Variants in HFM1 observed in about 807,000 individuals in gnomAD.
HFM1 encodes the protein helicase for meiosis 1, also known as probable ATP-dependent DNA helicase HFM1.
Under a neutral mutation model 192.1 loss-of-function variants are expected in HFM1, and 169 were observed. That is an observed-to-expected ratio of 0.88 (90% confidence interval 0.78 to 1.00). The LOEUF (loss-of-function observed/expected upper bound fraction) is 1.00. HFM1 is among the 50% of genes least tolerant of loss of function. The probability of loss-of-function intolerance (pLI) is 0.00; values close to 1 mark genes in which losing one functional copy is unlikely to be tolerated. For synonymous variants in HFM1, 525 were observed against 537.8 expected (o/e 0.98, Z 0.33); for missense variants, 1,661 against 1,668.0 (o/e 1.00, Z 0.07).
At chr1:91,392,850 G>A (rs553235485) in intron 4 of HFM1, among the ~76,000 whole-genome samples, 1 of 152,298 alleles carries the variant, frequency 6.6e-6, no homozygotes, top group African/African-American at 2.4e-5. Context: ...TATATGAAAT[G>A]TTTAGAATAG....
At chr1:91,303,925 A>C (rs1649220366) in intron 30 of HFM1, among the ~76,000 whole-genome samples, 1 of 152,160 alleles carries the variant, frequency 6.6e-6, no homozygotes, top group Non-Finnish European at 1.5e-5. Flanking sequence ...GGCTCACTGC[A>C]ACCTCTACCT....
intron 30 of HFM1, among the ~76,000 whole-genome samples, chr1:91,298,892 A>G (rs1648165541): frequency 6.6e-6 from 1 of 152,236 alleles, no homozygotes. Context: ...AATGAGCAAA[A>G]TAACCAGCTA....
chr1:91,369,252 A>G (rs998292065), intron 13 of HFM1, among the ~76,000 whole-genome samples: 1 of 152,202 alleles, frequency 6.6e-6, no homozygotes, highest in Non-Finnish European at 1.5e-5. Flanking sequence ...ACCAGACCTA[A>G]TAGACATCTA....
chr1:91,350,704 A>C, intron 18 of HFM1, 34 bp downstream of exon 18: 1 of 1,605,280 alleles, frequency 6.2e-7, no homozygotes, highest in African/African-American at 1.3e-5. Context: ...CTGGCTTGAA[A>C]AAATTACTAC....
intron 30 of HFM1, among the ~76,000 whole-genome samples, chr1:91,285,159 C>T (rs558401909): frequency 6.6e-6 from 1 of 152,070 alleles, no homozygotes. Flanking sequence ...AACTGTGAGC[C>T]CATCGAACCT....
At chr1:91,298,858 G>A (rs1648159781) in intron 30 of HFM1, among the ~76,000 whole-genome samples, 1 of 152,080 alleles carries the variant, frequency 6.6e-6, no homozygotes, top group Non-Finnish European at 1.5e-5. Flanking sequence ...AGACCATCGA[G>A]GCTAGGAAGA....
intron 21 of HFM1, among the ~76,000 whole-genome samples, chr1:91,323,638 T>C (rs1478634450): frequency 6.6e-6 from 1 of 152,172 alleles, no homozygotes; most frequent in Admixed American, 6.5e-5. Flanking sequence ...GTTTTAGATA[T>C]TAGGAAATTT....
intron 13 of HFM1, among the ~76,000 whole-genome samples, chr1:91,373,148 T>TAA (rs10670686): frequency 0.69 from 103,206 of 150,064 alleles, 35,949 homozygotes; most frequent in African/African-American, 0.79. Context: ...TTTAGTGGAT[T>TAA]AAAAAAAAAC....
intron 4 of HFM1, among the ~76,000 whole-genome samples, chr1:91,389,289 G>C (rs1662635404): frequency 6.6e-6 from 1 of 150,568 alleles, no homozygotes. Flanking sequence ...AGCCTCCTGA[G>C]TAGCTAGGAT....
intron 16 of HFM1, among the ~76,000 whole-genome samples, chr1:91,352,259 A>G (rs1657035089): frequency 6.6e-6 from 1 of 151,612 alleles, no homozygotes; most frequent in African/African-American, 2.4e-5. Context: ...AAAATCAAAA[A>G]GACCTTTAAC....
intron 36 of HFM1, among the ~76,000 whole-genome samples, chr1:91,265,773 C>T (rs1441858926): frequency 6.6e-6 from 1 of 152,160 alleles, no homozygotes; most frequent in Non-Finnish European, 1.5e-5. Context: ...GTCCCAGAGA[C>T]AAAAATTCGG....
intron 37 of HFM1, 28 bp downstream of exon 37, chr1:91,262,453 A>G (rs752719889): frequency 6.4e-7 from 1 of 1,572,144 alleles, no homozygotes; most frequent in South Asian, 1.2e-5. Context: ...AAAATTTAAA[A>G]GAAAAACAAA....
At chr1:91,364,876 G>C (rs540416488) in intron 13 of HFM1, among the ~76,000 whole-genome samples, 1 of 151,180 alleles carries the variant, frequency 6.6e-6, no homozygotes, top group African/African-American at 2.4e-5. Context: ...CTCATGATTC[G>C]CCTGCCTCGG....
At chr1:91,306,629 A>C (rs560585569) in intron 30 of HFM1, among the ~76,000 whole-genome samples, 85 of 152,164 alleles carry the variant, frequency 5.6e-4, no homozygotes, top group African/African-American at 2.0e-3. Flanking sequence ...TGTTCATGAG[A>C]TATGTTGCTA....
chr1:91,354,417 GTTTA>G (rs912600076), intron 13 of HFM1, among the ~76,000 whole-genome samples: 1 of 151,924 alleles, frequency 6.6e-6, no homozygotes, highest in Non-Finnish European at 1.5e-5. Flanking sequence ...GGCATAGAAA[GTTTA>G]TTTAATAAAA....
intron 30 of HFM1, among the ~76,000 whole-genome samples, chr1:91,298,278 T>G (rs1035980408): frequency 6.6e-6 from 1 of 152,088 alleles, no homozygotes; most frequent in Non-Finnish European, 1.5e-5. Flanking sequence ...CCAAGAAATA[T>G]GGGACTATGT....
intron 30 of HFM1, among the ~76,000 whole-genome samples, chr1:91,288,551 G>A (rs560501016): frequency 1.3e-5 from 2 of 151,708 alleles, no homozygotes; most frequent in Non-Finnish European, 2.9e-5. Flanking sequence ...TGTGTCCCTG[G>A]GTACTTGAGA....
At chr1:91,299,428 C>G (rs993621804) in intron 30 of HFM1, among the ~76,000 whole-genome samples, 10 of 152,100 alleles carry the variant, frequency 6.6e-5, no homozygotes, top group Admixed American at 3.3e-4. Flanking sequence ...TCTGCACCAA[C>G]CGGACCTAAT....
intron 20 of HFM1, among the ~76,000 whole-genome samples, chr1:91,334,416 T>C (rs1191514258): frequency 6.6e-6 from 1 of 152,192 alleles, no homozygotes; most frequent in Non-Finnish European, 1.5e-5. Flanking sequence ...TGACAAATGA[T>C]AGAGAGGCCC....
Sources: gnomAD v4.1 joint callset for allele counts (sites outside exome capture counted in the v4.1 genomes callset) on GRCh38, gnomAD v4.1.1 for gene constraint, MANE v1.5 for transcripts, NCBI Gene and HGNC (gene_info 2026-07-23, HGNC 2026-07-21) for gene names.